The following CD302 variants were observed in gnomAD, a reference collection of about 807,000 sequenced individuals.
CD302 encodes the protein CD302 molecule.
In CD302, 23 loss-of-function variants were observed where a neutral mutation model predicts 26.5. The observed-to-expected ratio is 0.87, with a 90% confidence interval of 0.62 to 1.23. The LOEUF is 1.23. CD302 is among the 50% of genes most tolerant of loss of function. CD302 has a pLI of 0.00. For missense variants in CD302, 290 were observed against 275.5 expected (o/e 1.05, Z -0.37); for synonymous variants, 90 against 99.4 (o/e 0.91, Z 0.56).
chr2:159,779,738 G>A (rs1708451608), intron 4 of CD302, among the ~76,000 whole-genome samples: 1 of 151,582 alleles, frequency 6.6e-6, no homozygotes, highest in Non-Finnish European at 1.5e-5. Context: ...CATGTATTTC[G>A]GACCGCAGGT....
chr2:159,792,091 G>C (rs1019842267), intron 1 of CD302, among the ~76,000 whole-genome samples: 1 of 152,210 alleles, frequency 6.6e-6, no homozygotes. Flanking sequence ...AAGTTACAGT[G>C]AAGATGCTGG....
At chr2:159,777,080 A>G (rs1479481607) in intron 5 of CD302, among the ~76,000 whole-genome samples, 1 of 151,886 alleles carries the variant, frequency 6.6e-6, no homozygotes, top group Non-Finnish European at 1.5e-5. Flanking sequence ...AACATGGTGA[A>G]ACTCCATCTG....
At chr2:159,786,834 T>G (rs1211514087) in intron 1 of CD302, among the ~76,000 whole-genome samples, 1 of 152,174 alleles carries the variant, frequency 6.6e-6, no homozygotes, top group Non-Finnish European at 1.5e-5. Flanking sequence ...AACATACCCA[T>G]ATAATTATCA....
intron 5 of CD302, among the ~76,000 whole-genome samples, chr2:159,776,921 T>C (rs1032787856): frequency 6.6e-6 from 1 of 152,142 alleles, no homozygotes; most frequent in African/African-American, 2.4e-5. Context: ...AGAAACAAAA[T>C]TTGTTTTAAA....
intron 1 of CD302, among the ~76,000 whole-genome samples, chr2:159,790,262 A>T (rs1708773941): frequency 6.6e-6 from 1 of 152,190 alleles, no homozygotes; most frequent in Non-Finnish European, 1.5e-5. Context: ...ATGCTATGAG[A>T]TGTAGGAGAA....
At chr2:159,784,921 T>G (rs989233673) in intron 1 of CD302, among the ~76,000 whole-genome samples, 4 of 151,344 alleles carry the variant, frequency 2.6e-5, no homozygotes, top group Admixed American at 6.6e-5. Flanking sequence ...ATGTTCAACA[T>G]AGCGGTCTTG....
chr2:159,784,332 T>C (rs1470660567), intron 1 of CD302, among the ~76,000 whole-genome samples: 1 of 150,780 alleles, frequency 6.6e-6, no homozygotes, highest in African/African-American at 2.4e-5. Context: ...AGCAATTTTA[T>C]GTTTTAAGTT....
chr2:159,780,397 A>G (rs3771718), intron 3 of CD302, among the ~76,000 whole-genome samples: 52,288 of 152,044 alleles, frequency 0.34, 9,204 homozygotes, highest in South Asian at 0.44. Context: ...TTTCGCAAAA[A>G]TATATACATG....
chr2:159,780,260 A>G, intron 3 of CD302, 82 bp from the exon 4 acceptor site: 1 of 1,470,956 alleles, frequency 6.8e-7, no homozygotes, highest in East Asian at 2.3e-5. Flanking sequence ...TAAAGGTGGA[A>G]AGTTACTAAG....
intron 1 of CD302, among the ~76,000 whole-genome samples, chr2:159,789,471 G>A (rs1441236818): frequency 6.6e-6 from 1 of 151,312 alleles, no homozygotes; most frequent in Non-Finnish European, 1.5e-5. Context: ...TTATTTTGAA[G>A]TCCATTTCTG....
In CD302 at chr2:159,779,854, C is replaced by G. The variant is rs919238909; in HGVS notation, c.469+151G>C. ...CCTGCGCTCAAGCAATCCAGTGCCTCAGTTTACCATAATGCTGGGATTGCA... is the reference window on the plus strand; with the variant it reads ...CCTGCGCTCAAGCAATCCAGTGCCTGAGTTTACCATAATGCTGGGATTGCA... On this transcript the variant is annotated intron_variant, in intron 4 of 5. Transcript: ENST00000259053. 5.6e-6 allele frequency: 5 copies of G among 889,574 alleles called. No individual in the cohort carries two copies. In the African/African-American group the frequency reaches 8.5e-5, roughly 15 times the overall value. 55.1% of individuals were successfully genotyped at this position (889,574 alleles called of 1,614,324 possible). A position where few individuals can be genotyped will look rare whatever the true frequency, so the allele number is the denominator to read the frequency against.
intron 1 of CD302, among the ~76,000 whole-genome samples, chr2:159,792,774 T>C (rs1708843052): frequency 6.6e-6 from 1 of 151,734 alleles, no homozygotes; most frequent in Admixed American, 6.6e-5. Flanking sequence ...TATAGAAAAA[T>C]AGAAAACAGA....
In CD302 at chr2:159,770,523, C is replaced by A. The variant is rs568235310; in HGVS notation, c.*1328G>T. ...AGTGAGATAGTATATCTATCTATCT[C>A]CCCAGAAGAAAGTAAGATAATTGAT... is the stretch of plus-strand genomic sequence containing the variant. On this transcript the variant is annotated 3_prime_UTR_variant, in exon 6 of 6. Transcript: ENST00000259053. 2 of 152,040 alleles carry A rather than the reference C, an allele frequency of 1.3e-5. No individual in the cohort carries two copies. The highest frequency in any genetic ancestry group is 2.9e-5 in the Non-Finnish European group (2 of 67,976). 9.4% of individuals were successfully genotyped at this position (152,040 alleles called of 1,614,324 possible).
At chr2:159,793,360 T>C (rs1418206620) in intron 1 of CD302, among the ~76,000 whole-genome samples, 1 of 152,156 alleles carries the variant, frequency 6.6e-6, no homozygotes, top group East Asian at 1.9e-4. Flanking sequence ...TCCACAGGAA[T>C]ACTTTGCATT....
Position 159,798,148 on chromosome 2 carries a change from G to T in CD302, c.51C>A (p.Ala17=). ...PALLLPLLGL[A]AAAVADCPSS... ...AGGGCTTACCCGCGACGGCAGCAGCGGCGAGGCCCAGCAACGGCAGCAGGA... is the reference window on the plus strand; with the variant it reads ...AGGGCTTACCCGCGACGGCAGCAGCTGCGAGGCCCAGCAACGGCAGCAGGA... The change falls in exon 1 of 6, where the codon GCC becomes GCA. Residue 17 remains alanine (A), a synonymous_variant. Coordinates refer to ENST00000259053, the MANE Select transcript of CD302 (RefSeq NM_014880.5). 7 of 1,485,736 alleles carry T rather than the reference G, an allele frequency of 4.7e-6. No homozygotes were observed. Among genetic ancestry groups the T allele is most frequent in the Non-Finnish European group, 6.2e-6 (7 of 1,123,690 alleles). The allele number at this position is 1,485,736 out of a possible 1,614,324, so 92.0% of individuals were successfully genotyped here. A position where few individuals can be genotyped will look rare whatever the true frequency, so the allele number is the denominator to read the frequency against.
Position 159,771,677 on chromosome 2 carries a change from T to C in CD302, c.*174A>G, listed in dbSNP as rs923909174. The C allele has an allele frequency of 4.1e-6, 3 of 736,230 alleles. No homozygotes were observed. The Admixed American group carries it at 9.9e-5, about 24-fold the overall frequency. 45.6% of individuals were successfully genotyped at this position (736,230 alleles called of 1,614,324 possible). ...GATCTAAGATCATTTCTAAAACCTG[T>C]TTTTTTAATGAACCTAAAGACTTTT... On this transcript the variant is annotated 3_prime_UTR_variant, in exon 6 of 6. Transcript: ENST00000259053.
Position 159,780,166 on chromosome 2 carries a change from T to C in CD302, c.308A>G (p.Lys103Arg). ...MFYDTDDASF[K>R]WFDNSNMTFD... ...TGTCATATTTGAATTATCAAACCAC[T>C]TGAAACTCGCATCTGTCAATTAAGG... The change falls in exon 4 of 6, where the codon AAG (lysine) becomes AGG (arginine). Residue 103 changes from lysine (K) to arginine (R), a missense_variant. By Grantham distance (26) the Lys-to-Arg change is conservative. Transcript: ENST00000259053. The C allele has an allele frequency of 1.2e-6, 2 of 1,613,428 alleles. No individual in the cohort carries two copies. The highest frequency in any genetic ancestry group is 3.3e-4 in the Middle Eastern group (2 of 6,058).
intron 2 of CD302, among the ~76,000 whole-genome samples, chr2:159,783,093 T>G (rs1275163243): frequency 2.6e-5 from 4 of 152,198 alleles, no homozygotes; most frequent in Admixed American, 2.0e-4. Flanking sequence ...GTATATGAGG[T>G]GCTTAAGCAC....
chr2:159,773,775 A>T lies in CD302; in HGVS notation c.497-1722T>A, dbSNP rs1257745922. On this transcript the variant is annotated intron_variant, in intron 5 of 5. Transcript: ENST00000259053. ...AGGTTAGGATAGTTTTACATTAGGA[A>T]ATGTATTATCTACCTCATTAATTAA... Among the ~76,000 whole-genome samples the T allele has an allele frequency of 4.6e-5, 7 of 152,328 alleles. No homozygotes were observed. The East Asian group carries it at 1.2e-3, about 25-fold the overall frequency.
Sources: allele counts gnomAD v4.1 joint callset (sites outside exome capture counted in the v4.1 genomes callset), GRCh38; gene constraint gnomAD v4.1.1; transcripts MANE v1.5; gene names NCBI Gene and HGNC (gene_info 2026-07-23, HGNC 2026-07-21).